Variants in PPP1R12B observed in about 807,000 individuals in gnomAD.
PPP1R12B encodes the protein myosin phosphatase target subunit 2.
Under a neutral mutation model 126.1 loss-of-function variants are expected in PPP1R12B, and 76 were observed. The ratio of observed to expected loss-of-function variants is 0.60; its 90% confidence interval spans 0.50 to 0.73. The LOEUF is 0.73. PPP1R12B is among the 30% of genes least tolerant of loss of function. The probability of loss-of-function intolerance (pLI) is 0.00; values close to 1 mark genes in which losing one functional copy is unlikely to be tolerated. For missense variants in PPP1R12B, 1,052 were observed against 1,205.1 expected, an observed-to-expected ratio of 0.87 and a Z score of 1.88; for synonymous variants, 356 against 434.7, an observed-to-expected ratio of 0.82 and a Z score of 2.25.
chr1:202,563,508 A>G (rs2149014740), intron 20 of PPP1R12B, among the ~76,000 whole-genome samples: 1 of 151,794 alleles, frequency 6.6e-6, no homozygotes, highest in African/African-American at 2.4e-5. Flanking sequence ...AAAAAGGGTG[A>G]AAAACCTAAT....
chr1:202,567,294 A>G (rs1294934892), intron 21 of PPP1R12B: 1 of 154,356 alleles, frequency 6.5e-6, no homozygotes, highest in Non-Finnish European at 1.4e-5. Flanking sequence ...CAAAACAGAA[A>G]GAATAGGGGA....
At chr1:202,577,124 A>G (rs1046077212) in intron 23 of PPP1R12B, 3 of 152,228 alleles carry the variant, frequency 2.0e-5, no homozygotes, top group African/African-American at 4.8e-5. Context: ...CCTAACTTCT[A>G]AAGAGCCATT....
At chr1:202,422,037 T>C (rs1334619446) in intron 2 of PPP1R12B, among the ~76,000 whole-genome samples, 1 of 152,250 alleles carries the variant, frequency 6.6e-6, no homozygotes, top group Non-Finnish European at 1.5e-5. Context: ...AAAGGATCTA[T>C]GTAAGGTATT....
chr1:202,545,431 C>T (rs192133221), intron 18 of PPP1R12B, among the ~76,000 whole-genome samples: 3 of 152,190 alleles, frequency 2.0e-5, no homozygotes, highest in Non-Finnish European at 4.4e-5. Flanking sequence ...CTGGGAGCTT[C>T]GAAGACATCA....
At chr1:202,424,642 A>G (rs1040899564) in intron 3 of PPP1R12B, among the ~76,000 whole-genome samples, 3 of 152,120 alleles carry the variant, frequency 2.0e-5, no homozygotes, top group African/African-American at 7.2e-5. Flanking sequence ...TTAAGAGCTG[A>G]AAGGGAGTAG....
chr1:202,431,668 G>A (rs769160753), intron 8 of PPP1R12B, 49 bp downstream of exon 8: 1 of 1,538,796 alleles, frequency 6.5e-7, no homozygotes, highest in Admixed American at 2.1e-5. Context: ...CATAGTGTAA[G>A]AAGATTACTC....
intron 10 of PPP1R12B, chr1:202,439,438 A>G (rs1477922826): frequency 1.5e-6 from 2 of 1,334,564 alleles, no homozygotes; most frequent in African/African-American, 1.4e-5. Context: ...ATGCTGGGCG[A>G]CCCCAGCTGG....
chr1:202,439,437 G>T, intron 10 of PPP1R12B: 2 of 1,326,260 alleles, frequency 1.5e-6, no homozygotes, highest in Non-Finnish European at 2.1e-6. Context: ...AATGCTGGGC[G>T]ACCCCAGCTG....
intron 10 of PPP1R12B, chr1:202,438,310 TA>T: frequency 6.8e-7 from 1 of 1,470,520 alleles, no homozygotes; most frequent in Admixed American, 1.7e-5. Context: ...ATCAGCAACA[TA>T]AAAATTTCAG....
chr1:202,431,422 C>G, intron 7 of PPP1R12B, 58 bp from the exon 8 acceptor site: 3 of 1,439,908 alleles, frequency 2.1e-6, no homozygotes, highest in Non-Finnish European at 2.8e-6. Flanking sequence ...GACTTGTTCC[C>G]TTTATTATAC....
In PPP1R12B at chr1:202,490,011, G is replaced by T. The variant is rs377221194; in HGVS notation, c.1941+1388G>T. Among the ~76,000 whole-genome samples, 10 of 152,288 alleles carry T rather than the reference G, an allele frequency of 6.6e-5. No homozygotes were observed. In the East Asian group the frequency reaches 1.7e-3, roughly 26 times the overall value. ...ACCAAGCCTGGAAGCAAGAAGACTT[G>T]CTAGGAAGCTGTATTGTAGTCCAAG... On this transcript the variant is annotated intron_variant, in intron 14 of 23. Transcript: ENST00000608999.
rs184484298 is a variant in PPP1R12B at position 202,354,531 on chromosome 1, G to A, written c.291+5389G>A. Among the ~76,000 whole-genome samples, 104 of 152,284 alleles carry A rather than the reference G, an allele frequency of 6.8e-4. 1 individual carries two copies. The highest frequency in any genetic ancestry group is 2.3e-3 in the Admixed American group (35 of 15,296). ...TGCAGTGAGCCATGATCGTGCCACT[G>A]CATTCCAGCCTGGATGACAGAGTGA... On this transcript the variant is annotated intron_variant, in intron 1 of 23. Transcript: ENST00000608999.
At position 202,508,702 on chromosome 1, in the gene PPP1R12B, C is replaced by T. The variant is rs1328046330; in HGVS notation, c.2490+11880C>T. ...TATGGTGACTGAATGCTGTATTTCT[C>T]ATTTCTCGAAATGTCTGGTATAGCT... is the stretch of plus-strand genomic sequence containing the variant. On this transcript the variant is annotated intron_variant, in intron 18 of 23. Transcript: ENST00000608999. This position sits in a 1 kb window ranked among gnomAD's most constrained non-coding sequence, Gnocchi z 4.5. Among the ~76,000 whole-genome samples the T allele has an allele frequency of 1.3e-5, 2 of 152,214 alleles. No individual in the cohort carries two copies. The highest frequency in any genetic ancestry group is 1.5e-5 in the Non-Finnish European group (1 of 68,042).
chr1:202,378,869 A>T (rs1164604833), intron 1 of PPP1R12B, among the ~76,000 whole-genome samples: 2 of 152,186 alleles, frequency 1.3e-5, no homozygotes. Flanking sequence ...TTGGCTTCCA[A>T]AACAATGCTT....
rs1170053226 is a variant in PPP1R12B at position 202,516,678 on chromosome 1, G to A, written c.2490+19856G>A. Among the ~76,000 whole-genome samples, 6 of 151,844 alleles carry A rather than the reference G, an allele frequency of 4.0e-5. No individual in the cohort carries two copies. The South Asian group carries it at 8.3e-4, about 21-fold the overall frequency. ...AAACAGGGTTCAAACAGATCTAATC[G>A]TCATATCATTTGGCACATTGTGGTA... On this transcript the variant is annotated intron_variant, in intron 18 of 23. Coordinates refer to ENST00000608999, the MANE Select transcript of PPP1R12B (RefSeq NM_002481.4).
intron 18 of PPP1R12B, among the ~76,000 whole-genome samples, chr1:202,512,505 A>G (rs1434429434): frequency 6.6e-6 from 1 of 152,226 alleles, no homozygotes; most frequent in Non-Finnish European, 1.5e-5. Flanking sequence ...TGCATCTCTT[A>G]TTAGCTGGGT....
rs1255037248 is a variant in PPP1R12B, at chr1:202,588,854, G to GAT, written c.*8296_*8297dup. On this transcript the variant is annotated 3_prime_UTR_variant, in exon 24 of 24. Transcript: ENST00000608999. ...AGATAGATAGATAGATAGATAGATAGATAGATAGATAGATAGATATCAAGG... is the reference window on the plus strand; with the variant it reads ...AGATAGATAGATAGATAGATAGATAGATATAGATAGATAGATAGATATCAAGG... The GAT allele has an allele frequency of 6.3e-5, 9 of 142,934 alleles. No homozygotes were observed. The highest frequency in any genetic ancestry group is 1.4e-4 in the Non-Finnish European group (9 of 66,000). The allele number at this position is 142,934 out of a possible 1,614,324, so 8.9% of individuals were successfully genotyped here.
chr1:202,482,626 A>G (rs1281839718), intron 13 of PPP1R12B, among the ~76,000 whole-genome samples: 1 of 152,108 alleles, frequency 6.6e-6, no homozygotes, highest in East Asian at 1.9e-4. Context: ...AGTTCCTTAT[A>G]TATTCTGGAT....
chr1:202,499,146 A>G (rs576394427), intron 18 of PPP1R12B, among the ~76,000 whole-genome samples: 40 of 152,348 alleles, frequency 2.6e-4, no homozygotes, highest in Non-Finnish European at 5.3e-4. Context: ...ACGTTTCATC[A>G]TTAACGCTCA....
Sources: gnomAD v4.1 joint callset for allele counts (sites outside exome capture counted in the v4.1 genomes callset) on GRCh38, gnomAD v4.1.1 for gene constraint, Gnocchi (gnomAD v3.1) non-coding constraint, MANE v1.5 for transcripts, NCBI Gene and HGNC (gene_info 2026-07-23, HGNC 2026-07-21) for gene names.